TRPM3: variants seen among roughly 807,000 people sequenced by gnomAD.
TRPM3 encodes the protein long transient receptor potential channel 3.
Under a neutral mutation model 181.2 loss-of-function variants are expected in TRPM3, and 77 were observed. The ratio of observed to expected loss-of-function variants is 0.42; its 90% CI spans 0.35 to 0.51. TRPM3 has a LOEUF of 0.51. Among genes scored for constraint, TRPM3 ranks in the 20% least tolerant of loss-of-function variants. The pLI, the probability that TRPM3 is intolerant of heterozygous loss-of-function variation, is 0.01. For missense variants in TRPM3, 1,759 were observed against 2,196.7 expected, an observed-to-expected ratio of 0.80 and a Z score of 3.98; for synonymous variants, 745 against 796.4, an observed-to-expected ratio of 0.94 and a Z score of 1.09.
At chr9:70,954,805 G>A (rs867708400) in intron 1 of TRPM3, among the ~76,000 whole-genome samples, 2 of 144,650 alleles carry the variant, frequency 1.4e-5, no homozygotes, top group Non-Finnish European at 3.1e-5. Flanking sequence ...GGAGAAGGCC[G>A]GGCCCTACGC....
At chr9:71,365,489 A>G (rs1049704169) in intron 1 of TRPM3, among the ~76,000 whole-genome samples, 3 of 152,190 alleles carry the variant, frequency 2.0e-5, no homozygotes, top group Non-Finnish European at 4.4e-5. Context: ...ATATAAACAT[A>G]TAACTGGACT....
At position 71,185,715 on chromosome 9, in the gene TRPM3, T is replaced by TTG. The variant is rs1363466336; in HGVS notation, c.183+260937_183+260938insCA. 1.8e-4 allele frequency among the ~76,000 whole-genome samples: 28 copies of TTG among 152,176 alleles called. 1 individual carries two copies. In the East Asian group the frequency reaches 5.4e-3, roughly 30 times the overall value. On this transcript the variant is annotated intron_variant, in intron 1 of 24. Transcript: ENST00000357533. ...CATATGACACTGCTTTGGGTAGTCA[T>TTG]CTAAATATTTCACAGATCAGGAAAC... is the stretch of plus-strand genomic sequence containing the variant.
intron 1 of TRPM3, among the ~76,000 whole-genome samples, chr9:71,371,032 A>C (rs2092493345): frequency 1.3e-5 from 2 of 151,824 alleles, no homozygotes; most frequent in African/African-American, 4.8e-5. Flanking sequence ...GGTTTACTGA[A>C]TATTTTAAAC....
intron 22 of TRPM3, among the ~76,000 whole-genome samples, chr9:70,566,140 G>A (rs1425969168): frequency 6.6e-6 from 1 of 152,148 alleles, no homozygotes; most frequent in Non-Finnish European, 1.5e-5. Flanking sequence ...AGATAAATAA[G>A]CTAAGCAGGC....
At chr9:70,839,022 C>T (rs1290178842) in intron 5 of TRPM3, among the ~76,000 whole-genome samples, 1 of 152,154 alleles carries the variant, frequency 6.6e-6, no homozygotes, top group Non-Finnish European at 1.5e-5. Context: ...TCACCTTCCA[C>T]CTTCCACCTT....
At chr9:71,207,578 T>C (rs886098283) in intron 1 of TRPM3, among the ~76,000 whole-genome samples, 1 of 152,156 alleles carries the variant, frequency 6.6e-6, no homozygotes, top group Non-Finnish European at 1.5e-5. Context: ...TTGTAACAGA[T>C]ATTGCATATC....
intron 22 of TRPM3, among the ~76,000 whole-genome samples, chr9:70,566,057 C>A (rs1391784936): frequency 2.0e-5 from 3 of 152,048 alleles, no homozygotes; most frequent in Admixed American, 1.3e-4. Context: ...GATCCCTGCC[C>A]CTAGACTATC....
At position 70,994,337 on chromosome 9, in the gene TRPM3, G is replaced by A. The variant is rs895114050; in HGVS notation, c.177+126841C>T. ...CCAGTGTTAGTAATCCCAGTTGCTA[G>A]GTGACAGGCCTAGGAAGCTTACCCA... On this transcript the variant is annotated intron_variant, in intron 1 of 25. Transcript: ENST00000677713. Among the ~76,000 whole-genome samples, 3 of 152,130 alleles carry A rather than the reference G, an allele frequency of 2.0e-5. No individual in the cohort carries two copies. In the South Asian group the frequency reaches 6.2e-4, roughly 32 times the overall value.
At chr9:70,543,401 G>A (rs930717375) in intron 25 of TRPM3, among the ~76,000 whole-genome samples, 1 of 152,044 alleles carries the variant, frequency 6.6e-6, no homozygotes, top group Non-Finnish European at 1.5e-5. Flanking sequence ...ACTGACTATA[G>A]TCACCCTATT....
intron 20 of TRPM3, among the ~76,000 whole-genome samples, chr9:70,599,937 G>A (rs1400243990): frequency 6.6e-6 from 1 of 152,096 alleles, no homozygotes; most frequent in African/African-American, 2.4e-5. Flanking sequence ...GAAACTCTGA[G>A]GGCAGACCCT....
At chr9:71,145,306 AG>A (rs2075344448) in intron 1 of TRPM3, among the ~76,000 whole-genome samples, 1 of 152,184 alleles carries the variant, frequency 6.6e-6, no homozygotes, top group African/African-American at 2.4e-5. Context: ...TACACACCAG[AG>A]GTTAAGCAAC....
chr9:70,916,717 G>T, intron 1 of TRPM3, among the ~76,000 whole-genome samples: 1 of 152,040 alleles, frequency 6.6e-6, no homozygotes, highest in East Asian at 1.9e-4. Context: ...ACTTTCTAAA[G>T]AATAAGCCAT....
intron 17 of TRPM3, 105 bp downstream of exon 17, chr9:70,618,762 T>G: frequency 1.1e-6 from 1 of 937,594 alleles, no homozygotes; most frequent in Non-Finnish European, 1.6e-6. Context: ...AGAACCTCCC[T>G]CCTGAGATAA....
intron 5 of TRPM3, among the ~76,000 whole-genome samples, chr9:70,832,111 G>A (rs2093973073): frequency 7.8e-6 from 1 of 127,456 alleles, no homozygotes; most frequent in African/African-American, 3.0e-5. Flanking sequence ...ATGGACACAG[G>A]AAGGGGAACA....
chr9:71,251,040 A>G lies in TRPM3; in HGVS notation c.183+195613T>C, dbSNP rs535559030. 2.0e-5 allele frequency among the ~76,000 whole-genome samples: 3 copies of G among 152,274 alleles called. No homozygotes were observed. The South Asian group carries it at 6.2e-4, about 32-fold the overall frequency. ...TGCTTTTTGGAAGATGGATAGAGAA[A>G]TGGATGGATGAATGGATGGATGGGA... On this transcript the variant is annotated intron_variant, in intron 1 of 24. Transcript: ENST00000357533.
In TRPM3 at chr9:71,258,875, T is replaced by A. The variant is rs535537449; in HGVS notation, c.183+187778A>T. Among the ~76,000 whole-genome samples the A allele has an allele frequency of 1.1e-3, 171 of 152,272 alleles. 2 individuals carry two copies. The highest frequency in any genetic ancestry group is 3.8e-3 in the African/African-American group (157 of 41,556). On this transcript the variant is annotated intron_variant, in intron 1 of 24. Coordinates refer to the TRPM3 transcript ENST00000357533. ...CATGATGAATTTTTACCCTTAATTT[T>A]AAAAAATATTTTAATGGAGCTTTTC...
intron 21 of TRPM3, among the ~76,000 whole-genome samples, chr9:70,591,874 G>T (rs775388842): frequency 2.6e-5 from 4 of 152,126 alleles, no homozygotes; most frequent in African/African-American, 9.7e-5. Context: ...CTCCTGCAGG[G>T]TATCCCATTG....
intron 1 of TRPM3, among the ~76,000 whole-genome samples, chr9:71,203,674 T>A (rs2078940100): frequency 6.6e-6 from 1 of 152,210 alleles, no homozygotes; most frequent in Non-Finnish European, 1.5e-5. Flanking sequence ...ATTACAGTTA[T>A]ATCTACCTCT....
At chr9:71,195,143 C>T (rs1587883464) in intron 1 of TRPM3, among the ~76,000 whole-genome samples, 1 of 152,144 alleles carries the variant, frequency 6.6e-6, no homozygotes, top group East Asian at 1.9e-4. Flanking sequence ...GCAGCAAAAG[C>T]AAAACCTAAT....
Sources: allele counts gnomAD v4.1 joint callset (sites outside exome capture counted in the v4.1 genomes callset), GRCh38; gene constraint gnomAD v4.1.1; transcripts MANE v1.5; gene names NCBI Gene and HGNC (gene_info 2026-07-23, HGNC 2026-07-21).